The following MED12L variants were observed in gnomAD, a reference collection of about 807,000 sequenced individuals.
The protein encoded by MED12L is mediator of RNA polymerase II transcription subunit 12-like protein.
In MED12L, 60 loss-of-function variants were observed where a neutral mutation model predicts 281.3. The ratio of observed to expected loss-of-function variants is 0.21; its 90% CI spans 0.17 to 0.26. The LOEUF is 0.26. Among genes scored for constraint, MED12L ranks in the 10% least tolerant of loss-of-function variants. The pLI is 1.00. For synonymous variants in MED12L, 974 were observed against 987.2 expected (o/e 0.99, Z 0.25); for missense variants, 2,146 against 2,680.9 (o/e 0.80, Z 4.41).
At position 151,350,404 on chromosome 3, in the gene MED12L, A is replaced by G. The variant is rs537315971; in HGVS notation, c.2398+198A>G. 2.0e-5 allele frequency among the ~76,000 whole-genome samples: 3 copies of G among 152,178 alleles called. No individual in the cohort carries two copies. In the South Asian group the frequency reaches 6.2e-4, roughly 32 times the overall value. ...ATAGCAACCCTTGTATTAAAATATTAATACAAGGTATTAATATTAAATATT... is the reference window on the plus strand; with the variant it reads ...ATAGCAACCCTTGTATTAAAATATTGATACAAGGTATTAATATTAAATATT... On this transcript the variant is annotated intron_variant, in intron 17 of 44. Coordinates refer to ENST00000687756, the MANE Select transcript of MED12L (RefSeq NM_001393769.1).
At chr3:151,321,876 TCCTTTCCTCTGACTTCCTTTCTTCCC>T (rs1434347250) in intron 16 of MED12L, among the ~76,000 whole-genome samples, 1 of 152,202 alleles carries the variant, frequency 6.6e-6, no homozygotes, top group African/African-American at 2.4e-5. Flanking sequence ...TCCCCATCTC[TCCTTTCCTCTGACTTCCTTTCTTCCC>T]ATCTTATTTT....
Position 151,190,834 on chromosome 3 carries a change from G to A in MED12L, c.1871G>A (p.Arg624Gln), listed in dbSNP as rs747862329. 1.2e-6 allele frequency: 2 copies of A among 1,613,960 alleles called. No homozygotes were observed. Among genetic ancestry groups the A allele is most frequent in the African/African-American group, 1.3e-5 (1 of 74,882 alleles). ...GCATACATGTGTACCCTCATATCTC[G>A]AGGAGATTTGTCAGTCACTGCCTCA... ...HDAYMCTLIS[R>Q]GDLSVTASTR... Residue 624 changes from arginine to glutamine, a missense_variant, in exon 14 of 45, where the codon CGA (arginine) becomes CAA (glutamine). Transcript: ENST00000687756.
chr3:151,179,693 C>T (rs982294211), intron 11 of MED12L, among the ~76,000 whole-genome samples: 3 of 152,226 alleles, frequency 2.0e-5, no homozygotes, highest in Admixed American at 1.3e-4. Context: ...GCTGGTCATG[C>T]ACCATTGACC....
Position 151,166,774 on chromosome 3 carries a change from C to G in MED12L, c.1494+792C>G, listed in dbSNP as rs1720783814. Among the ~76,000 whole-genome samples the G allele has an allele frequency of 2.6e-5, 4 of 151,912 alleles. No homozygotes were observed. The South Asian group carries it at 6.2e-4, about 24-fold the overall frequency. ...CACTGCAACCTCTGCCTCCTGGGTT[C>G]AAGTGATTTTCCTGCCTCAGCCTCC... On this transcript the variant is annotated intron_variant, in intron 11 of 44. Transcript: ENST00000687756.
intron 16 of MED12L, among the ~76,000 whole-genome samples, chr3:151,206,642 C>CTTTTTTCTTTTTT (rs1726408311): frequency 2.8e-5 from 2 of 70,316 alleles, no homozygotes; most frequent in African/African-American, 1.2e-4. Context: ...AACACATTAT[C>CTTTTTTCTTTTTT]TTTTTTTTTT....
intron 16 of MED12L, among the ~76,000 whole-genome samples, chr3:151,257,088 A>G (rs1275039935): frequency 6.6e-6 from 1 of 152,170 alleles, no homozygotes; most frequent in African/African-American, 2.4e-5. Flanking sequence ...GTGTAGTTTT[A>G]AAAAGAAATG....
At chr3:151,380,769 A>G (rs1370400854) in intron 32 of MED12L, among the ~76,000 whole-genome samples, 1 of 152,230 alleles carries the variant, frequency 6.6e-6, no homozygotes, top group African/African-American at 2.4e-5. Flanking sequence ...GTAAAATTTT[A>G]TATATTGCAT....
intron 16 of MED12L, among the ~76,000 whole-genome samples, chr3:151,228,263 C>T (rs1730943926): frequency 6.6e-6 from 1 of 151,934 alleles, no homozygotes; most frequent in Non-Finnish European, 1.5e-5. Flanking sequence ...TAATTATTAA[C>T]TGCCTTTGTG....
intron 16 of MED12L, among the ~76,000 whole-genome samples, chr3:151,286,453 T>A (rs1232242965): frequency 6.6e-6 from 1 of 152,206 alleles, no homozygotes; most frequent in Non-Finnish European, 1.5e-5. Context: ...AGCAAAAAAC[T>A]TCAAGCAATA....
At chr3:151,353,970 T>C (rs1753577079) in intron 17 of MED12L, among the ~76,000 whole-genome samples, 2 of 149,170 alleles carry the variant, frequency 1.3e-5, no homozygotes, top group Non-Finnish European at 3.0e-5. Flanking sequence ...TGAAACCCCG[T>C]CTCTACTAAA....
At chr3:151,143,170 G>A (rs931930426) in intron 5 of MED12L, among the ~76,000 whole-genome samples, 3 of 152,178 alleles carry the variant, frequency 2.0e-5, no homozygotes, top group Non-Finnish European at 2.9e-5. Flanking sequence ...TACTGTGTAA[G>A]CATTTTTGCT....
chr3:151,165,711 ATTGT>A, intron 10 of MED12L, 131 bp from the exon 11 acceptor site: 1 of 1,047,684 alleles, frequency 9.5e-7, no homozygotes, highest in Non-Finnish European at 1.4e-6. Flanking sequence ...TTTGTTGATG[ATTGT>A]TTGATAACAT....
chr3:151,420,558 C>T (rs777388033), intron 43 of MED12L, among the ~76,000 whole-genome samples: 11 of 152,122 alleles, frequency 7.2e-5, no homozygotes, highest in Non-Finnish European at 1.3e-4. Context: ...AGAAACAGTA[C>T]TATATATTGG....
intron 5 of MED12L, among the ~76,000 whole-genome samples, chr3:151,131,173 T>G (rs575891472): frequency 3.4e-4 from 52 of 152,366 alleles, no homozygotes; most frequent in Non-Finnish European, 6.2e-4. Flanking sequence ...TCTTAATATA[T>G]ATTTTTTTGG....
chr3:151,399,450 A>G (rs538466789), intron 39 of MED12L, among the ~76,000 whole-genome samples: 6 of 152,292 alleles, frequency 3.9e-5, no homozygotes, highest in Admixed American at 3.9e-4. Context: ...TTTAATCCTC[A>G]TTTGCTTAGT....
chr3:151,409,245 C>G lies in MED12L; in HGVS notation c.5823C>G (p.Gly1941=). 6.3e-7 allele frequency: 1 copy of G among 1,588,020 alleles called. No homozygotes were observed. Among genetic ancestry groups the G allele is most frequent in the South Asian group, 1.2e-5 (1 of 86,692 alleles). Residue 1941 remains glycine (G), a splice_region_variant and synonymous_variant, in exon 40 of 45, where the codon GGC becomes GGG. Transcript: ENST00000687756. ...TTTGCTTTGGCTTTGTTTTCCAGGG[C>G]CAGCCGGGGGACCAGGCTGCTCTCT... ...RQAQTRPFQQ[G]QPGDQAALFA...
chr3:151,306,051 C>A (rs1340451807), intron 16 of MED12L, among the ~76,000 whole-genome samples: 3 of 152,180 alleles, frequency 2.0e-5, no homozygotes, highest in Admixed American at 6.5e-5. Context: ...AGGAGCATTA[C>A]CTGCCGGGTC....
At chr3:151,221,415 T>C (rs1279520829) in intron 16 of MED12L, among the ~76,000 whole-genome samples, 3 of 152,108 alleles carry the variant, frequency 2.0e-5, no homozygotes, top group South Asian at 4.1e-4. Context: ...ATCCAGGGCA[T>C]GTCAAAGGTC....
In MED12L at chr3:151,298,669, C is replaced by T. The variant is rs77847857; in HGVS notation, c.2251-51390C>T. On this transcript the variant is annotated intron_variant, in intron 16 of 44. Transcript: ENST00000687756. ...GTGTGAGGGTGGTATTTGTTTGGGA[C>T]GTAAGGGAACTTTGGCTGTCTTTGC... is the stretch of plus-strand genomic sequence containing the variant. 5.8e-3 allele frequency among the ~76,000 whole-genome samples: 885 copies of T among 152,096 alleles called. 12 individuals carry two copies. Among genetic ancestry groups the T allele is most frequent in the African/African-American group, 0.02 (832 of 41,480 alleles).
Sources: gnomAD v4.1 joint callset for allele counts (sites outside exome capture counted in the v4.1 genomes callset) on GRCh38, gnomAD v4.1.1 for gene constraint, MANE v1.5 for transcripts, NCBI Gene and HGNC (gene_info 2026-07-23, HGNC 2026-07-21) for gene names.